KANSL3: variants seen among roughly 807,000 people sequenced by gnomAD.
The protein encoded by KANSL3 is KAT8 regulatory NSL complex subunit 3, also known as NSL complex protein NSL3.
Under a neutral mutation model 89.2 loss-of-function variants are expected in KANSL3, and 16 were observed. The observed-to-expected ratio is 0.18, with a 90% CI of 0.12 to 0.27. The LOEUF (loss-of-function observed/expected upper bound fraction) is 0.27, where lower values mean the gene tolerates loss of function less well. Ranked by LOEUF, KANSL3 falls within the 10% of genes least tolerant of loss-of-function variation. The pLI, the probability that KANSL3 is intolerant of heterozygous loss-of-function variation, is 1.00. For synonymous variants in KANSL3, 385 were observed against 419.7 expected, an observed-to-expected ratio of 0.92 and a Z score of 1.01; for missense variants, 879 against 1,110.6, an observed-to-expected ratio of 0.79 and a Z score of 2.96.
chr2:96,607,425 G>C (rs1447813734), intron 14 of KANSL3, among the ~76,000 whole-genome samples: 2 of 152,024 alleles, frequency 1.3e-5, no homozygotes. Context: ...AACCCAGCTC[G>C]CCAATCAGCC....
At chr2:96,636,581 G>A (rs967186800) in intron 2 of KANSL3, among the ~76,000 whole-genome samples, 2 of 152,198 alleles carry the variant, frequency 1.3e-5, no homozygotes, top group Admixed American at 1.3e-4. Flanking sequence ...TAAAAGAGTC[G>A]TATCCTGTGG....
chr2:96,623,623 T>G (rs1277915041), intron 3 of KANSL3, among the ~76,000 whole-genome samples: 1 of 152,170 alleles, frequency 6.6e-6, no homozygotes, highest in Non-Finnish European at 1.5e-5. Flanking sequence ...CATCTCCAGT[T>G]TTACAACTTA....
chr2:96,588,511 A>C (rs1250379189), downstream of KANSL3, among the ~76,000 whole-genome samples: 1 of 152,242 alleles, frequency 6.6e-6, no homozygotes, highest in East Asian at 1.9e-4. Context: ...GGAAATGGTA[A>C]AAGAAGGAAT....
chr2:96,617,829 A>G (rs1442540442), intron 5 of KANSL3, among the ~76,000 whole-genome samples: 1 of 151,628 alleles, frequency 6.6e-6, no homozygotes, highest in East Asian at 1.9e-4. Context: ...CTAAAAATAC[A>G]AAAAAAATTA....
intron 3 of KANSL3, among the ~76,000 whole-genome samples, chr2:96,625,477 T>A (rs1295877850): frequency 6.6e-6 from 1 of 152,248 alleles, no homozygotes; most frequent in Non-Finnish European, 1.5e-5. Flanking sequence ...TTATGAAATA[T>A]CAACAGCATT....
chr2:96,611,903 A>ATGTGTGTGTG (rs59217274), intron 9 of KANSL3, among the ~76,000 whole-genome samples: 8,878 of 113,136 alleles, frequency 0.078, 545 homozygotes, highest in African/African-American at 0.12. Flanking sequence ...ATATACCCAT[A>ATGTGTGTGTG]TGTGTGTGTG....
At chr2:96,622,287 T>C (rs1010013156) in intron 3 of KANSL3, among the ~76,000 whole-genome samples, 1 of 151,910 alleles carries the variant, frequency 6.6e-6, no homozygotes, top group Non-Finnish European at 1.5e-5. Context: ...CCAGGCATAG[T>C]GGCAGGTGCC....
intron 3 of KANSL3, 91 bp downstream of exon 3, chr2:96,631,221 A>C: frequency 1.1e-6 from 1 of 926,760 alleles, no homozygotes; most frequent in Non-Finnish European, 1.7e-6. Flanking sequence ...GTGTTGCTGC[A>C]AATGAAATAA....
chr2:96,598,908 CAAAAAAAAAAAA>C (rs10551331), intron 20 of KANSL3, among the ~76,000 whole-genome samples: 5 of 44,954 alleles, frequency 1.1e-4, no homozygotes, highest in Non-Finnish European at 2.2e-4. Flanking sequence ...GAGACTGTCT[CAAAAAAAAAAAA>C]AAAAAAAAAA....
intron 11 of KANSL3, among the ~76,000 whole-genome samples, 187 bp from the exon 12 acceptor site, chr2:96,609,749 T>G (rs558498058): frequency 1.3e-5 from 2 of 151,978 alleles, no homozygotes; most frequent in South Asian, 4.2e-4. Context: ...AATCATAACA[T>G]CCCATTCATG....
chr2:96,607,972 A>G lies in KANSL3; in HGVS notation c.1741+536T>C, dbSNP rs989041308. 2.0e-5 allele frequency among the ~76,000 whole-genome samples: 3 copies of G among 152,218 alleles called. No homozygotes were observed. In the South Asian group the frequency reaches 6.2e-4, roughly 32 times the overall value. ...CTACCCAATGAACTCTCCCTTTTCT[A>G]TAGCTCCTTTCATAGCACTCGCAGC... is the stretch of plus-strand genomic sequence containing the variant. On this transcript the variant is annotated intron_variant, in intron 14 of 20. Transcript: ENST00000431828.
At chr2:96,609,435 C>T (rs368373633) in intron 12 of KANSL3, 64 bp downstream of exon 12, 3 of 1,486,360 alleles carry the variant, frequency 2.0e-6, no homozygotes, top group African/African-American at 2.8e-5. Context: ...ACCAATAAGA[C>T]CAAACCTAAA....
rs372683631 is a variant in KANSL3, at chr2:96,612,315, A to C, written c.1053T>G (p.Ile351Met). Residue 351 changes from isoleucine to methionine, a missense_variant, in exon 9 of 21, where the codon ATT (isoleucine) becomes ATG (methionine). This residue lies in a region of KANSL3 where 198 missense variants were observed against 260.3 expected (regional missense o/e 0.76). Coordinates refer to ENST00000431828, the MANE Select transcript of KANSL3 (RefSeq NM_001115016.3). ...CCACCAAAGCTCCTGTGTTCCAGCCAATCAAGATAATGGGTTTGTGTGGGA... is the reference window on the plus strand; with the variant it reads ...CCACCAAAGCTCCTGTGTTCCAGCCCATCAAGATAATGGGTTTGTGTGGGA... ...SHFPHKPIIL[I>M]GWNTGALVAC... 1.2e-4 allele frequency: 195 copies of C among 1,613,712 alleles called. No homozygotes were observed. The highest frequency in any genetic ancestry group is 1.5e-4 in the Non-Finnish European group (179 of 1,179,728).
chr2:96,614,420 AAC>A (rs2069575182), intron 5 of KANSL3, among the ~76,000 whole-genome samples: 1 of 152,254 alleles, frequency 6.6e-6, no homozygotes, highest in African/African-American at 2.4e-5. Context: ...GATATATAAT[AAC>A]ACACAGAAAT....
At chr2:96,612,715 C>T in intron 7 of KANSL3, 103 bp downstream of exon 7, 2 of 1,094,242 alleles carry the variant, frequency 1.8e-6, no homozygotes, top group Non-Finnish European at 2.7e-6. Context: ...GGAGGCTCCA[C>T]ATTCAAGTTA....
At chr2:96,580,617 G>T in the KANSL3 span, among the ~76,000 whole-genome samples, 2 of 152,240 alleles carry the variant, frequency 1.3e-5, no homozygotes, top group Non-Finnish European at 2.9e-5. Context: ...TTACCTGTAT[G>T]TTGGTTAAAC....
At position 96,613,383 on chromosome 2, in the gene KANSL3, T is replaced by C. The variant is rs925345536; in HGVS notation, c.795+105A>G. The C allele has an allele frequency of 5.7e-6, 5 of 879,572 alleles. No individual in the cohort carries two copies. In the Admixed American group the frequency reaches 7.7e-5, roughly 14 times the overall value. The allele number at this position is 879,572 out of a possible 1,614,324, so 54.5% of individuals were successfully genotyped here. ...AAGATTCTGTCTCAAAAAATAATAA[T>C]AATAATAAATAGTTAAAGAAGCCAT... On this transcript the variant is annotated intron_variant, in intron 6 of 20. Transcript: ENST00000431828.
At chr2:96,637,969 A>C (rs1190121493) in intron 1 of KANSL3, 1 of 152,276 alleles carries the variant, frequency 6.6e-6, no homozygotes, top group African/African-American at 2.4e-5. Context: ...CGAAGTCGCC[A>C]GCTCGGGGAA....
At position 96,636,942 on chromosome 2, in the gene KANSL3, C is replaced by T; in HGVS notation, c.194G>A (p.Arg65Gln). Reference sequence around the variant, plus strand: ...TCACATGGTACTTTCGTGCTGCCGCCGGGGAGTGACAAAGAGCATGCGGGT... The same window carrying T: ...TCACATGGTACTTTCGTGCTGCCGCTGGGGAGTGACAAAGAGCATGCGGGT... ...RPTRMLFVTP[R>Q]RQHESTIESD... Residue 65 changes from arginine (R) to glutamine (Q), a missense_variant, in exon 2 of 21, where the codon CGG becomes CAG. Physicochemically the swap from Arg to Gln is conservative, Grantham distance 43 (BLOSUM62 1). Coordinates refer to ENST00000431828, the MANE Select transcript of KANSL3 (RefSeq NM_001115016.3). 1 of 1,539,522 alleles carries T rather than the reference C, an allele frequency of 6.5e-7. No individual in the cohort carries two copies. The highest frequency in any genetic ancestry group is 2.0e-5 in the Admixed American group (1 of 49,918).
Sources: allele counts gnomAD v4.1 joint callset (sites outside exome capture counted in the v4.1 genomes callset), GRCh38; gene constraint gnomAD v4.1.1; regional missense constraint gnomAD v4.1.1; transcripts MANE v1.5; gene names NCBI Gene and HGNC (gene_info 2026-07-23, HGNC 2026-07-21).